The following ABCA13 variants were observed in gnomAD, a reference collection of about 807,000 sequenced individuals.
ABCA13 encodes ATP binding cassette subfamily A member 13.
ABCA13 carries 476 observed loss-of-function variants against 478.7 expected under a neutral mutation model. That is an observed-to-expected ratio of 0.99 (90% CI 0.92 to 1.07). The LOEUF (loss-of-function observed/expected upper bound fraction) is 1.07, where lower values mean the gene tolerates loss of function less well. Among genes scored for constraint, ABCA13 ranks in the 50% least tolerant of loss-of-function variants. The pLI, the probability that ABCA13 is intolerant of heterozygous loss-of-function variation, is 0.00. For missense variants in ABCA13, 6,060 were observed against 5,910.6 expected (o/e 1.03, Z -0.83); for synonymous variants, 2,252 against 2,158.9 (o/e 1.04, Z -1.20).
At chr7:48,174,281 T>C (rs981162877) in intron 1 of ABCA13, among the ~76,000 whole-genome samples, 1 of 152,228 alleles carries the variant, frequency 6.6e-6, no homozygotes. Flanking sequence ...TGTCTGTTTT[T>C]ACATTTACTG....
intron 29 of ABCA13, among the ~76,000 whole-genome samples, chr7:48,349,404 A>G (rs17132246): frequency 0.019 from 2,882 of 152,356 alleles, 91 homozygotes; most frequent in African/African-American, 0.065. Context: ...GTTCTCATCC[A>G]TCTGAAGTTG....
chr7:48,587,698 G>C (rs547046523), intron 57 of ABCA13, among the ~76,000 whole-genome samples: 1 of 152,188 alleles, frequency 6.6e-6, no homozygotes, highest in Non-Finnish European at 1.5e-5. Context: ...GGTGTTGAGA[G>C]TGAAGGATGG....
At chr7:48,323,909 C>T (rs888978446) in intron 27 of ABCA13, among the ~76,000 whole-genome samples, 8 of 152,128 alleles carry the variant, frequency 5.3e-5, no homozygotes, top group Non-Finnish European at 1.2e-4. Flanking sequence ...AATGGGAGTT[C>T]CCCTGCACAA....
At chr7:48,227,543 C>G (rs1788411025) in intron 6 of ABCA13, 118 bp downstream of exon 6, 1 of 1,241,178 alleles carries the variant, frequency 8.1e-7, no homozygotes, top group Admixed American at 2.4e-5. Flanking sequence ...AATAATGTTA[C>G]CTTGAAACAA....
In ABCA13 at chr7:48,278,452, T is replaced by A; in HGVS notation, c.7258T>A (p.Ser2420Thr). ...AGCTCTTCACCTTGTAAGAGAATGTTCAACAGAGATGGCAAGACTTCTGGA... is the reference window on the plus strand; with the variant it reads ...AGCTCTTCACCTTGTAAGAGAATGTACAACAGAGATGGCAAGACTTCTGGA... ...GSALHLVREC[S>T]TEMARLLDTI... is the part of the protein sequence containing the mutation. The change falls in exon 18 of 62, where the codon TCA becomes ACA. Residue 2420 changes from serine to threonine, a missense_variant. Around this residue, in one of 3 missense-constraint regions of ABCA13, gnomAD observed 4,423 missense variants for 4,309.1 expected, o/e 1.03. Coordinates refer to ENST00000435803, the MANE Select transcript of ABCA13 (RefSeq NM_152701.5). 6.2e-7 allele frequency: 1 copy of A among 1,613,986 alleles called. No homozygotes were observed. Among genetic ancestry groups the A allele is most frequent in the Non-Finnish European group, 8.5e-7 (1 of 1,179,872 alleles).
At chr7:48,308,968 C>G (rs754236640) in intron 23 of ABCA13, among the ~76,000 whole-genome samples, 1 of 145,224 alleles carries the variant, frequency 6.9e-6, no homozygotes, top group Non-Finnish European at 1.5e-5. Flanking sequence ...GATGTTCACA[C>G]AATTAAACAA....
In ABCA13 at chr7:48,272,676, T is replaced by A; in HGVS notation, c.3010T>A (p.Phe1004Ile). ...TTTGGATATCATAAAACAATTTAAT[T>A]TCCAAAACATCAGTAAAGCATTTGC... Reference protein sequence around the residue: ...HILDIIKQFNFQNISKAFAFL... With the variant: ...HILDIIKQFNIQNISKAFAFL... Residue 1004 changes from phenylalanine to isoleucine, a missense_variant, in exon 17 of 62, where the codon TTC (phenylalanine) becomes ATC (isoleucine). Phe to Ile is a conservative substitution (Grantham distance 21). Transcript: ENST00000435803. 1 of 1,612,768 alleles carries A rather than the reference T, an allele frequency of 6.2e-7. No homozygotes were observed. Among genetic ancestry groups the A allele is most frequent in the Non-Finnish European group, 8.5e-7 (1 of 1,179,222 alleles).
At chr7:48,615,156 G>A (rs564056828) in intron 58 of ABCA13, 129 bp from the exon 59 acceptor site, 2 of 453,636 alleles carry the variant, frequency 4.4e-6, no homozygotes, top group African/African-American at 2.0e-5. Flanking sequence ...GTTACCATGA[G>A]ATTTCTGTGT....
At chr7:48,484,018 G>C (rs1829044548) in intron 47 of ABCA13, among the ~76,000 whole-genome samples, 2 of 152,152 alleles carry the variant, frequency 1.3e-5, no homozygotes, top group Non-Finnish European at 2.9e-5. Context: ...GGAGCTATGA[G>C]AACAAGAACA....
chr7:48,229,845 A>G lies in ABCA13; in HGVS notation c.653A>G (p.Asp218Gly). ...TILNSLISLE[D>G]LDWLPLNQTF... ...TCTAGTTCCTTAATATCCCTAGAAGATTTAGATTGGCTTCCACTCAACCAA... is the reference window on the plus strand; with the variant it reads ...TCTAGTTCCTTAATATCCCTAGAAGGTTTAGATTGGCTTCCACTCAACCAA... Residue 218 changes from aspartate (D) to glycine (G), a missense_variant, in exon 7 of 62, where the codon GAT becomes GGT. By Grantham distance (94) the Asp-to-Gly change is moderately conservative (BLOSUM62 -1). Around this residue, in one of 3 missense-constraint regions of ABCA13, gnomAD observed 4,423 missense variants for 4,309.1 expected, o/e 1.03. Transcript: ENST00000435803. 4 of 1,614,018 alleles carry G rather than the reference A, an allele frequency of 2.5e-6. No individual in the cohort carries two copies. The highest frequency in any genetic ancestry group is 3.4e-6 in the Non-Finnish European group (4 of 1,179,894).
intron 35 of ABCA13, among the ~76,000 whole-genome samples, chr7:48,386,009 GT>G (rs1296508251): frequency 6.6e-6 from 1 of 152,050 alleles, no homozygotes; most frequent in Non-Finnish European, 1.5e-5. Context: ...TGGAGTGTTT[GT>G]TTTTTGCTTA....
chr7:48,470,723 A>T (rs994022525), intron 44 of ABCA13, among the ~76,000 whole-genome samples: 2 of 152,178 alleles, frequency 1.3e-5, no homozygotes, highest in Admixed American at 6.5e-5. Flanking sequence ...TGGCTTTCTC[A>T]TTGGAGCAGC....
chr7:48,467,091 A>T (rs1483801906), intron 44 of ABCA13, 46 bp downstream of exon 44: 18 of 1,532,860 alleles, frequency 1.2e-5, no homozygotes, highest in Non-Finnish European at 1.6e-5. Flanking sequence ...CCCAACTGGT[A>T]ATATTGTAGC....
intron 56 of ABCA13, among the ~76,000 whole-genome samples, chr7:48,582,715 A>G (rs1268003530): frequency 6.6e-6 from 1 of 152,178 alleles, no homozygotes; most frequent in Non-Finnish European, 1.5e-5. Flanking sequence ...CTTGCTGGTC[A>G]TTTCTAAGTA....
chr7:48,625,986 A>G (rs1452438202), intron 59 of ABCA13, among the ~76,000 whole-genome samples: 1 of 152,216 alleles, frequency 6.6e-6, no homozygotes, highest in Non-Finnish European at 1.5e-5. Context: ...TAAACTCGGC[A>G]TAGTGTACAG....
At chr7:48,329,603 A>G (rs1804887728) in intron 27 of ABCA13, among the ~76,000 whole-genome samples, 1 of 150,596 alleles carries the variant, frequency 6.6e-6, no homozygotes, top group South Asian at 2.1e-4. Flanking sequence ...CCATCCACAC[A>G]TCCATCCATC....
At chr7:48,241,677 T>C (rs185677322) in intron 10 of ABCA13, among the ~76,000 whole-genome samples, 1 of 152,358 alleles carries the variant, frequency 6.6e-6, no homozygotes, top group Non-Finnish European at 1.5e-5. Flanking sequence ...AAGAAGAATA[T>C]GATTTCTCAA....
chr7:48,372,700 G>C (rs1044596975), intron 33 of ABCA13, among the ~76,000 whole-genome samples: 18 of 152,148 alleles, frequency 1.2e-4, no homozygotes, highest in African/African-American at 3.9e-4. Flanking sequence ...AGCCCATTAA[G>C]AATGTCCAGT....
chr7:48,460,281 C>A lies in ABCA13; in HGVS notation c.12815+4995C>A, dbSNP rs371104598. ...AAGAACCACAAACTGGGTTACTTAA[C>A]AGAAATGTATTTTCTCACTGTTCTG... On this transcript the variant is annotated intron_variant, in intron 43 of 61. Transcript: ENST00000435803. Among the ~76,000 whole-genome samples, 31 of 152,268 alleles carry A rather than the reference C, an allele frequency of 2.0e-4. No individual in the cohort carries two copies. In the South Asian group the frequency reaches 6.0e-3, roughly 30 times the overall value.
Sources: allele counts gnomAD v4.1 joint callset (sites outside exome capture counted in the v4.1 genomes callset), GRCh38; gene constraint gnomAD v4.1.1; regional missense constraint gnomAD v4.1.1; transcripts MANE v1.5; gene names NCBI Gene and HGNC (gene_info 2026-07-23, HGNC 2026-07-21).